Variants in AMBRA1 observed in about 807,000 individuals in gnomAD.
AMBRA1 encodes the protein autophagy and beclin 1 regulator 1.
Under a neutral mutation model 125.4 loss-of-function variants are expected in AMBRA1, and 47 were observed. That is an observed-to-expected ratio of 0.37 (90% CI 0.30 to 0.48). The LOEUF is 0.48. AMBRA1 is among the 20% of genes least tolerant of loss of function. The pLI is 0.99. For synonymous variants in AMBRA1, 626 were observed against 655.5 expected (o/e 0.95, Z 0.69); for missense variants, 1,331 against 1,693.4 (o/e 0.79, Z 3.76).
At chr11:46,559,410 C>A (rs559761164) in intron 1 of AMBRA1, among the ~76,000 whole-genome samples, 57 of 152,188 alleles carry the variant, frequency 3.7e-4, no homozygotes, top group African/African-American at 1.3e-3. Context: ...GAGGGCCAGG[C>A]AAGAGAGTAA....
At chr11:46,540,780 C>T (rs1468568363) in intron 7 of AMBRA1, among the ~76,000 whole-genome samples, 1 of 152,192 alleles carries the variant, frequency 6.6e-6, no homozygotes, top group African/African-American at 2.4e-5. Context: ...AGCATTTGCT[C>T]ATCTATACTT....
At chr11:46,533,498 T>C (rs1287455454) in intron 7 of AMBRA1, among the ~76,000 whole-genome samples, 1 of 152,226 alleles carries the variant, frequency 6.6e-6, no homozygotes, top group East Asian at 1.9e-4. Context: ...AGGGGCTTTG[T>C]TGCAGGTAAT....
chr11:46,482,629 C>T (rs1315797712), intron 11 of AMBRA1, among the ~76,000 whole-genome samples: 1 of 152,132 alleles, frequency 6.6e-6, no homozygotes, highest in African/African-American at 2.4e-5. Context: ...GTCTAGCTTT[C>T]CCTTGTTCCT....
chr11:46,493,949 C>A (rs917634438), intron 10 of AMBRA1, 175 bp downstream of exon 10: 1 of 682,018 alleles, frequency 1.5e-6, no homozygotes, highest in African/African-American at 1.8e-5. Flanking sequence ...ACTTTTTCAT[C>A]TCTTTTGAAT....
At chr11:46,441,644 G>A (rs1217378691) in intron 12 of AMBRA1, among the ~76,000 whole-genome samples, 1 of 152,178 alleles carries the variant, frequency 6.6e-6, no homozygotes, top group African/African-American at 2.4e-5. Flanking sequence ...CATAGGGTAA[G>A]CTAATAGTGT....
At chr11:46,552,387 A>T (rs2043031231) in intron 1 of AMBRA1, among the ~76,000 whole-genome samples, 1 of 132,432 alleles carries the variant, frequency 7.6e-6, no homozygotes, top group Non-Finnish European at 1.6e-5. Context: ...AAAAAAAAAA[A>T]AAAAAAAAAA....
intron 7 of AMBRA1, among the ~76,000 whole-genome samples, chr11:46,514,633 T>C (rs1002935213): frequency 2.6e-5 from 4 of 152,058 alleles, no homozygotes; most frequent in African/African-American, 7.3e-5. Flanking sequence ...CACAGTTTAA[T>C]TGGCAGGATT....
chr11:46,435,320 T>C lies in AMBRA1; in HGVS notation c.2633-283A>G, dbSNP rs138254477. ...ATTTAGGAAATACCGCTTGAGAGAT[T>C]AGATAAGGAAAAAGTTATTAAAAAT... is the stretch of plus-strand genomic sequence containing the variant. On this transcript the variant is annotated intron_variant, in intron 12 of 17. Transcript: ENST00000683756. Among the ~76,000 whole-genome samples the C allele has an allele frequency of 3.9e-3, 598 of 152,256 alleles. 3 individuals are homozygous for C. The highest frequency in any genetic ancestry group is 0.014 in the African/African-American group (582 of 41,540).
intron 7 of AMBRA1, among the ~76,000 whole-genome samples, chr11:46,523,530 C>A (rs1183884637): frequency 6.6e-6 from 1 of 152,194 alleles, no homozygotes; most frequent in African/African-American, 2.4e-5. Flanking sequence ...GGAAGCCATT[C>A]AATTCCCTGC....
chr11:46,420,020 A>ACACACACACACACACACACACACT (rs1300199196), intron 14 of AMBRA1, among the ~76,000 whole-genome samples: 25 of 151,452 alleles, frequency 1.7e-4, no homozygotes, highest in Admixed American at 1.3e-3. Flanking sequence ...ACACACACAC[A>ACACACACACACACACACACACACT]CTCTTCCAGG....
At chr11:46,577,253 C>T (rs933100164) in intron 1 of AMBRA1, among the ~76,000 whole-genome samples, 6 of 152,142 alleles carry the variant, frequency 3.9e-5, no homozygotes, top group African/African-American at 9.7e-5. Flanking sequence ...GATGTATACA[C>T]ACAATGGAAT....
chr11:46,560,088 T>C (rs1229650188), intron 1 of AMBRA1, among the ~76,000 whole-genome samples: 1 of 152,182 alleles, frequency 6.6e-6, no homozygotes, highest in African/African-American at 2.4e-5. Context: ...TTATCTCTAA[T>C]TAACCACCTG....
At chr11:46,576,327 T>A (rs1363507670) in intron 1 of AMBRA1, among the ~76,000 whole-genome samples, 1 of 152,148 alleles carries the variant, frequency 6.6e-6, no homozygotes, top group Non-Finnish European at 1.5e-5. Context: ...GGGGTCTCCG[T>A]ATGTTGCCAA....
intron 11 of AMBRA1, among the ~76,000 whole-genome samples, chr11:46,461,882 A>G (rs919585955): frequency 2.6e-5 from 4 of 152,344 alleles, no homozygotes; most frequent in South Asian, 2.1e-4. Flanking sequence ...CCCAGGCCCA[A>G]GCATTTCTCT....
At chr11:46,412,009 C>T (rs1946318109) in intron 15 of AMBRA1, among the ~76,000 whole-genome samples, 1 of 152,040 alleles carries the variant, frequency 6.6e-6, no homozygotes, top group Admixed American at 6.6e-5. Flanking sequence ...AGAGCCACAG[C>T]CAAACAAAAG....
At chr11:46,475,769 T>C (rs2136899445) in intron 11 of AMBRA1, among the ~76,000 whole-genome samples, 1 of 152,358 alleles carries the variant, frequency 6.6e-6, no homozygotes, top group Non-Finnish European at 1.5e-5. Context: ...ATCCCGTAAT[T>C]TCTTGTCGCA....
intron 7 of AMBRA1, among the ~76,000 whole-genome samples, chr11:46,527,035 T>C (rs1383744867): frequency 6.6e-6 from 1 of 152,110 alleles, no homozygotes; most frequent in African/African-American, 2.4e-5. Flanking sequence ...GTCAGAAGGG[T>C]CAATGTTCAT....
Position 46,417,993 on chromosome 11 carries a change from G to A in AMBRA1, c.3036C>T (p.Asn1012=). ...PADQRRHVSI[N]SARWLPEPGL... Reference sequence around the variant, plus strand: ...CTGGCTCAGGCAGCCAACGGGCAGAGTTGATACTGACATGTCTCCGCTGGT... The same window carrying A: ...CTGGCTCAGGCAGCCAACGGGCAGAATTGATACTGACATGTCTCCGCTGGT... Residue 1012 remains asparagine (N), a synonymous_variant, in exon 15 of 18, where the codon AAC becomes AAT. Transcript: ENST00000683756. 6.2e-7 allele frequency: 1 copy of A among 1,610,398 alleles called. No individual in the cohort carries two copies. Among genetic ancestry groups the A allele is most frequent in the Non-Finnish European group, 8.5e-7 (1 of 1,177,482 alleles).
intron 14 of AMBRA1, among the ~76,000 whole-genome samples, chr11:46,429,718 C>A (rs1426963113): frequency 1.3e-5 from 2 of 152,128 alleles, no homozygotes; most frequent in African/African-American, 4.8e-5. Flanking sequence ...CAAGTTGCCA[C>A]TATTTTAGAA....
Sources: allele counts gnomAD v4.1 joint callset (sites outside exome capture counted in the v4.1 genomes callset), GRCh38; gene constraint gnomAD v4.1.1; transcripts MANE v1.5; gene names NCBI Gene and HGNC (gene_info 2026-07-23, HGNC 2026-07-21).